Variants in GALNT10 observed in about 807,000 individuals in gnomAD.
The protein encoded by GALNT10 is GalNAc transferase 10.
GALNT10 carries 41 observed loss-of-function variants against 75.0 expected under a neutral mutation model. The observed-to-expected ratio is 0.55, with a 90% CI of 0.43 to 0.71. The LOEUF is 0.71. Ranked by LOEUF, GALNT10 falls within the 30% of genes least tolerant of loss-of-function variation. The pLI, the probability that GALNT10 is intolerant of heterozygous loss-of-function variation, is 0.00. For missense variants in GALNT10, 727 were observed against 818.5 expected, an observed-to-expected ratio of 0.89 and a Z score of 1.36; for synonymous variants, 302 against 313.0, an observed-to-expected ratio of 0.96 and a Z score of 0.37.
intron 4 of GALNT10, among the ~76,000 whole-genome samples, chr5:154,336,259 G>A (rs1299833901): frequency 6.6e-6 from 1 of 152,130 alleles, no homozygotes; most frequent in African/African-American, 2.4e-5. Flanking sequence ...GGCTGCTTCC[G>A]AGTTTTGGCA....
chr5:154,319,431 A>G (rs1324219853), intron 3 of GALNT10, among the ~76,000 whole-genome samples: 1 of 152,246 alleles, frequency 6.6e-6, no homozygotes, highest in Non-Finnish European at 1.5e-5. Flanking sequence ...AAATTTTTAA[A>G]AAATATTATT....
In GALNT10 at chr5:154,383,551, C is replaced by T. The variant is rs146696741; in HGVS notation, c.939-2762C>T. 4.1e-3 allele frequency among the ~76,000 whole-genome samples: 627 copies of T among 152,292 alleles called. 2 individuals carry two copies. The highest frequency in any genetic ancestry group is 0.014 in the African/African-American group (597 of 41,554). ...AACCAGAACAGGCTGGGCAGAGAGGCCTCTCTCTGGAGGCAAAGCCTCGAG... is the reference window on the plus strand; with the variant it reads ...AACCAGAACAGGCTGGGCAGAGAGGTCTCTCTCTGGAGGCAAAGCCTCGAG... On this transcript the variant is annotated intron_variant, in intron 6 of 11. Coordinates refer to ENST00000297107, the MANE Select transcript of GALNT10 (RefSeq NM_198321.4).
chr5:154,336,190 A>T (rs1754942048), intron 4 of GALNT10, among the ~76,000 whole-genome samples: 2 of 152,150 alleles, frequency 1.3e-5, no homozygotes, highest in African/African-American at 4.8e-5. Context: ...GCTGAATAAC[A>T]TTCCATTGTC....
At chr5:154,195,518 A>G (rs754025224) in intron 1 of GALNT10, among the ~76,000 whole-genome samples, 2 of 152,230 alleles carry the variant, frequency 1.3e-5, no homozygotes, top group Non-Finnish European at 2.9e-5. Flanking sequence ...ACAAAGCACA[A>G]GATTTGGCTC....
At chr5:154,398,348 T>C (rs768673223) in intron 7 of GALNT10, among the ~76,000 whole-genome samples, 4 of 152,222 alleles carry the variant, frequency 2.6e-5, no homozygotes, top group Non-Finnish European at 5.9e-5. Context: ...TGTATTTGTC[T>C]GCATCTCGAA....
intron 1 of GALNT10, among the ~76,000 whole-genome samples, chr5:154,279,695 C>T (rs1174908093): frequency 6.6e-6 from 1 of 152,128 alleles, no homozygotes; most frequent in Admixed American, 6.5e-5. Flanking sequence ...ATCCTCCCAT[C>T]TCATCCTCCC....
At chr5:154,372,255 T>G (rs549831770) in intron 4 of GALNT10, among the ~76,000 whole-genome samples, 53 of 152,294 alleles carry the variant, frequency 3.5e-4, no homozygotes, top group South Asian at 6.2e-4. Flanking sequence ...ATAGAGGTTT[T>G]GTGAATATTA....
chr5:154,273,720 T>C (rs1753907251), intron 1 of GALNT10, among the ~76,000 whole-genome samples: 1 of 152,252 alleles, frequency 6.6e-6, no homozygotes, highest in South Asian at 2.1e-4. Context: ...TCTTTCACCA[T>C]GTGCCTTTAT....
rs1044334162 is a variant in GALNT10, at chr5:154,402,142, C to T, written c.1057-1962C>T. ...AAGATGTAAGTGGATTGTGTGTCTCCCTCACTGAAGACCTTCTGTGAAGAC... is the reference window on the plus strand; with the variant it reads ...AAGATGTAAGTGGATTGTGTGTCTCTCTCACTGAAGACCTTCTGTGAAGAC... On this transcript the variant is annotated intron_variant, in intron 7 of 11. Transcript: ENST00000297107. The surrounding 1 kb of genome is among the most constrained non-coding windows in gnomAD (Gnocchi z 4.2). Among the ~76,000 whole-genome samples the T allele has an allele frequency of 5.9e-5, 9 of 152,190 alleles. No homozygotes were observed. Among genetic ancestry groups the T allele is most frequent in the African/African-American group, 2.2e-4 (9 of 41,436 alleles).
intron 3 of GALNT10, among the ~76,000 whole-genome samples, chr5:154,313,011 T>A (rs535905970): frequency 2.4e-4 from 37 of 152,346 alleles, no homozygotes; most frequent in South Asian, 1.4e-3. Flanking sequence ...TAGATTTTTT[T>A]AAAATGTTAT....
intron 4 of GALNT10, chr5:154,356,257 G>A (rs11167675): frequency 0.12 from 56,325 of 451,864 alleles, 4,744 homozygotes; most frequent in African/African-American, 0.3. Context: ...TTCTGCACCC[G>A]TTGCTTTTGT....
At chr5:154,269,352 G>C (rs6865538) in intron 1 of GALNT10, among the ~76,000 whole-genome samples, 1 of 152,082 alleles carries the variant, frequency 6.6e-6, no homozygotes, top group Non-Finnish European at 1.5e-5. Context: ...TCTTCTATTG[G>C]ATTTTGTGAA....
At chr5:154,256,349 TTTTG>T (rs769882481) in intron 1 of GALNT10, among the ~76,000 whole-genome samples, 4,960 of 29,156 alleles carry the variant, frequency 0.17, 108 homozygotes, top group East Asian at 0.43. Context: ...AGGCTGTTGT[TTTTG>T]TTTTTTTTTT....
At chr5:154,344,144 C>CCCTGTTTG (rs1755080306) in intron 4 of GALNT10, among the ~76,000 whole-genome samples, 1 of 151,980 alleles carries the variant, frequency 6.6e-6, no homozygotes, top group Non-Finnish European at 1.5e-5. Flanking sequence ...TTTTAGAAGA[C>CCCTGTTTG]CCTGTTTGTA....
In GALNT10 at chr5:154,262,206, C is replaced by T. The variant is rs911675812; in HGVS notation, c.160-32610C>T. 4.6e-5 allele frequency among the ~76,000 whole-genome samples: 7 copies of T among 152,098 alleles called. No individual in the cohort carries two copies. In the East Asian group the frequency reaches 5.8e-4, roughly 13 times the overall value. On this transcript the variant is annotated intron_variant, in intron 1 of 11. Coordinates refer to ENST00000297107, the MANE Select transcript of GALNT10 (RefSeq NM_198321.4). ...AAATCTCATGTGCATTCCTTTCTCC[C>T]GCATTGTAGATTAGGGAGGGGCCCA...
chr5:154,386,028 C>T (rs1755801538), intron 6 of GALNT10, among the ~76,000 whole-genome samples: 1 of 152,130 alleles, frequency 6.6e-6, no homozygotes, highest in Non-Finnish European at 1.5e-5. Flanking sequence ...AGCTACAGGG[C>T]CCATGTGGAC....
intron 8 of GALNT10, among the ~76,000 whole-genome samples, chr5:154,405,608 G>C (rs1192288741): frequency 6.6e-6 from 1 of 152,078 alleles, no homozygotes; most frequent in Non-Finnish European, 1.5e-5. Flanking sequence ...AGGGACCATG[G>C]GGACACTCCA....
intron 1 of GALNT10, among the ~76,000 whole-genome samples, chr5:154,249,236 G>A (rs1753478054): frequency 6.6e-6 from 1 of 152,156 alleles, no homozygotes; most frequent in African/African-American, 2.4e-5. Context: ...GATTCAGTAG[G>A]CCTGATGTGG....
At chr5:154,293,729 C>T (rs114170720) in intron 1 of GALNT10, among the ~76,000 whole-genome samples, 190 of 152,006 alleles carry the variant, frequency 1.2e-3, no homozygotes, top group Non-Finnish European at 2.0e-3. Context: ...CCAAGACCTG[C>T]CATCTGCTTT....
Sources: allele counts gnomAD v4.1 joint callset (sites outside exome capture counted in the v4.1 genomes callset), GRCh38; gene constraint gnomAD v4.1.1; non-coding constraint Gnocchi (gnomAD v3.1); transcripts MANE v1.5; gene names NCBI Gene and HGNC (gene_info 2026-07-23, HGNC 2026-07-21).